The following XKR9 variants were observed in gnomAD, a reference collection of about 807,000 sequenced individuals.
XKR9 encodes XK-related protein 9.
A neutral mutation model predicts 32.0 loss-of-function variants in XKR9; 32 were observed. The ratio of observed to expected loss-of-function variants is 1.00; its 90% CI spans 0.76 to 1.34. The LOEUF is 1.34. XKR9 is among the 40% of genes most tolerant of loss of function. XKR9 has a pLI of 0.00. For missense variants in XKR9, 546 were observed against 429.7 expected (o/e 1.27, Z -2.39); for synonymous variants, 168 against 143.4 (o/e 1.17, Z -1.22).
chr8:71,019,411 A>T, the XKR9 span, among the ~76,000 whole-genome samples: 15 of 152,344 alleles, frequency 9.8e-5, no homozygotes, highest in South Asian at 3.1e-3. Context: ...AATATTCAGA[A>T]TTACAGTCTT....
chr8:70,824,190 G>GA, the XKR9 span, among the ~76,000 whole-genome samples: 4 of 152,184 alleles, frequency 2.6e-5, no homozygotes, highest in South Asian at 8.3e-4. Flanking sequence ...GTGTATTTTA[G>GA]AAAAATACTA....
the XKR9 span, among the ~76,000 whole-genome samples, chr8:70,873,377 C>A: frequency 6.3e-4 from 96 of 152,162 alleles, no homozygotes; most frequent in African/African-American, 2.3e-3. Flanking sequence ...ATGGACCTGG[C>A]AAAATAAATG....
the XKR9 span, among the ~76,000 whole-genome samples, chr8:70,955,024 CA>C: frequency 6.6e-6 from 1 of 152,216 alleles, no homozygotes; most frequent in African/African-American, 2.4e-5. Flanking sequence ...GCCCCTGTGT[CA>C]ATGTGTAATT....
At chr8:70,886,985 GCT>G in the XKR9 span, among the ~76,000 whole-genome samples, 1 of 152,036 alleles carries the variant, frequency 6.6e-6, no homozygotes, top group African/African-American at 2.4e-5. Flanking sequence ...TACCTAGTCA[GCT>G]CTCTTATTCT....
the XKR9 span, among the ~76,000 whole-genome samples, chr8:70,969,994 G>A: frequency 1.3e-5 from 2 of 152,228 alleles, no homozygotes; most frequent in East Asian, 1.9e-4. Flanking sequence ...GAGAACACAC[G>A]ATGTTTGATT....
chr8:70,727,149 T>TA (rs1806498215), intron 4 of XKR9, among the ~76,000 whole-genome samples: 1 of 152,178 alleles, frequency 6.6e-6, no homozygotes, highest in African/African-American at 2.4e-5. Context: ...GAGCTTATGT[T>TA]AAAAAATTAA....
chr8:71,022,513 G>A, the XKR9 span, among the ~76,000 whole-genome samples: 1 of 152,146 alleles, frequency 6.6e-6, no homozygotes, highest in Non-Finnish European at 1.5e-5. Context: ...GTTCCCTGAA[G>A]AGTGGCTAGA....
the XKR9 span, among the ~76,000 whole-genome samples, chr8:70,803,973 C>T: frequency 6.6e-6 from 1 of 152,176 alleles, no homozygotes; most frequent in African/African-American, 2.4e-5. Context: ...TGATTCCCAC[C>T]TTCTGGGTGT....
At chr8:70,918,237 A>G in the XKR9 span, among the ~76,000 whole-genome samples, 2 of 152,216 alleles carry the variant, frequency 1.3e-5, no homozygotes, top group Admixed American at 6.5e-5. Flanking sequence ...CAGAAGACAA[A>G]GTATCCAGAG....
intron 3 of XKR9, among the ~76,000 whole-genome samples, chr8:70,683,232 G>T (rs1180854279): frequency 6.6e-6 from 1 of 152,050 alleles, no homozygotes; most frequent in Non-Finnish European, 1.5e-5. Flanking sequence ...CAAGTATAAA[G>T]TAAAACAAAA....
intron 2 of XKR9, among the ~76,000 whole-genome samples, chr8:70,765,232 C>T (rs908716389): frequency 1.3e-5 from 2 of 152,182 alleles, no homozygotes; most frequent in Non-Finnish European, 2.9e-5. Flanking sequence ...GTACCTATTT[C>T]TCCACATCCT....
At chr8:70,988,379 A>G in the XKR9 span, among the ~76,000 whole-genome samples, 1 of 152,080 alleles carries the variant, frequency 6.6e-6, no homozygotes, top group Non-Finnish European at 1.5e-5. Flanking sequence ...CAAGCAAATA[A>G]AACAAAATAA....
At chr8:70,958,077 G>T in the XKR9 span, among the ~76,000 whole-genome samples, 1 of 152,278 alleles carries the variant, frequency 6.6e-6, no homozygotes, top group South Asian at 2.1e-4. Flanking sequence ...CATGAGCCAT[G>T]GCGCCTGGCC....
At chr8:70,749,213 T>C (rs1180985183) in intron 2 of XKR9, among the ~76,000 whole-genome samples, 1 of 152,094 alleles carries the variant, frequency 6.6e-6, no homozygotes, top group Non-Finnish European at 1.5e-5. Flanking sequence ...TCTTCCTGGA[T>C]GTGGGACAAG....
intron 3 of XKR9, among the ~76,000 whole-genome samples, chr8:70,700,979 A>T (rs1294819894): frequency 6.6e-6 from 1 of 151,964 alleles, no homozygotes; most frequent in African/African-American, 2.4e-5. Flanking sequence ...GGGGCGTAGG[A>T]CCCTCCGAGC....
downstream of XKR9, among the ~76,000 whole-genome samples, chr8:70,738,916 T>C (rs1806912484): frequency 6.6e-6 from 1 of 152,162 alleles, no homozygotes; most frequent in Non-Finnish European, 1.5e-5. Flanking sequence ...GGAATAGGTG[T>C]GGTGTGGTAC....
chr8:70,805,736 G>C, the XKR9 span, among the ~76,000 whole-genome samples: 11 of 152,140 alleles, frequency 7.2e-5, no homozygotes, highest in Non-Finnish European at 1.5e-4. Context: ...AGAGGCTCCC[G>C]GACAGAACCT....
At chr8:70,883,983 A>G in the XKR9 span, among the ~76,000 whole-genome samples, 1 of 152,176 alleles carries the variant, frequency 6.6e-6, no homozygotes, top group Non-Finnish European at 1.5e-5. Context: ...AAATGGCTGT[A>G]CCATTTTGCA....
chr8:70,963,391 A>G, the XKR9 span, among the ~76,000 whole-genome samples: 3 of 152,186 alleles, frequency 2.0e-5, no homozygotes, highest in Admixed American at 6.5e-5. Flanking sequence ...GGTTAATTCC[A>G]TGTCTTTGCT....
Sources: gnomAD v4.1 joint callset for allele counts (sites outside exome capture counted in the v4.1 genomes callset) on GRCh38, gnomAD v4.1.1 for gene constraint, MANE v1.5 for transcripts, NCBI Gene and HGNC (gene_info 2026-07-23, HGNC 2026-07-21) for gene names.